MAGI1: variants seen among roughly 807,000 people sequenced by gnomAD.
MAGI1 encodes membrane associated guanylate kinase, WW and PDZ domain containing 1, also known as membrane-associated guanylate kinase, WW and PDZ domain-containing protein 1.
MAGI1 carries 58 observed loss-of-function variants against 139.9 expected under a neutral mutation model. That is an observed-to-expected ratio of 0.41 (90% CI 0.34 to 0.52). The LOEUF (loss-of-function observed/expected upper bound fraction) is 0.52, where lower values mean the gene tolerates loss of function less well. Among genes scored for constraint, MAGI1 ranks in the 20% least tolerant of loss-of-function variants. MAGI1 has a pLI of 0.12. For missense variants in MAGI1, 1,874 were observed against 1,901.6 expected, an observed-to-expected ratio of 0.99 and a Z score of 0.27; for synonymous variants, 812 against 737.9, an observed-to-expected ratio of 1.10 and a Z score of -1.63.
At chr3:65,517,456 C>T (rs1387035023) in intron 2 of MAGI1, among the ~76,000 whole-genome samples, 1 of 152,170 alleles carries the variant, frequency 6.6e-6, no homozygotes, top group African/African-American at 2.4e-5. Context: ...TCCAAATCTA[C>T]CCTTCCAAAC....
chr3:65,882,240 A>C (rs987943558), intron 1 of MAGI1, among the ~76,000 whole-genome samples: 6 of 152,194 alleles, frequency 3.9e-5, no homozygotes, highest in African/African-American at 1.2e-4. Flanking sequence ...AGGCTTCTTC[A>C]GTTAGTAACA....
At chr3:66,000,034 G>T (rs1184835885) in intron 1 of MAGI1, among the ~76,000 whole-genome samples, 1 of 145,936 alleles carries the variant, frequency 6.9e-6, no homozygotes. Context: ...GTGCAGTGGC[G>T]CGAACTAGGC....
chr3:65,552,288 G>GTA (rs1491073868), intron 2 of MAGI1, among the ~76,000 whole-genome samples: 1 of 148,554 alleles, frequency 6.7e-6, no homozygotes, highest in African/African-American at 2.5e-5. Context: ...GTGTGTGTGT[G>GTA]TCCCCATTCC....
chr3:65,730,702 G>C (rs1399095765), intron 1 of MAGI1, among the ~76,000 whole-genome samples: 2 of 152,204 alleles, frequency 1.3e-5, no homozygotes, highest in Non-Finnish European at 2.9e-5. Flanking sequence ...TGCTACTGAG[G>C]AGATAAGGAC....
chr3:66,004,988 G>GT (rs2066937015), intron 1 of MAGI1, among the ~76,000 whole-genome samples: 3 of 152,120 alleles, frequency 2.0e-5, no homozygotes, highest in African/African-American at 7.2e-5. Flanking sequence ...GGTTCCTTCT[G>GT]TATCCCATTG....
At chr3:65,973,433 C>T (rs912931112) in intron 1 of MAGI1, among the ~76,000 whole-genome samples, 1 of 152,130 alleles carries the variant, frequency 6.6e-6, no homozygotes, top group Non-Finnish European at 1.5e-5. Context: ...ACTATTGCAG[C>T]TCCCATGATA....
intron 22 of MAGI1, 45 bp downstream of exon 22, chr3:65,361,154 G>A: frequency 6.2e-7 from 1 of 1,614,042 alleles, no homozygotes; most frequent in South Asian, 1.1e-5. Context: ...CAAATTCATG[G>A]AGTCATGCCA....
chr3:65,573,946 T>C (rs1576361642), intron 2 of MAGI1, among the ~76,000 whole-genome samples: 1 of 152,012 alleles, frequency 6.6e-6, no homozygotes, highest in Non-Finnish European at 1.5e-5. Flanking sequence ...TCAACTACCA[T>C]GGGCAGTTGA....
chr3:65,860,434 A>G (rs2059516918), intron 1 of MAGI1, among the ~76,000 whole-genome samples: 1 of 152,238 alleles, frequency 6.6e-6, no homozygotes, highest in African/African-American at 2.4e-5. Flanking sequence ...TGACAGAGCC[A>G]TCTTTACAGA....
intron 13 of MAGI1, among the ~76,000 whole-genome samples, chr3:65,392,916 T>C (rs2107011053): frequency 6.6e-6 from 1 of 152,306 alleles, no homozygotes; most frequent in South Asian, 2.1e-4. Flanking sequence ...TTGAGGACCA[T>C]ATTCTAACCT....
At chr3:65,966,630 G>A (rs1450110287) in intron 1 of MAGI1, among the ~76,000 whole-genome samples, 4 of 152,000 alleles carry the variant, frequency 2.6e-5, no homozygotes, top group Non-Finnish European at 4.4e-5. Flanking sequence ...GAGAGTGGGG[G>A]CGCGGCCAAA....
intron 14 of MAGI1, among the ~76,000 whole-genome samples, chr3:65,389,525 A>G (rs1243185888): frequency 6.6e-6 from 1 of 152,234 alleles, no homozygotes. Context: ...TGACTGGACG[A>G]GCCACAAGCT....
In MAGI1 at chr3:65,383,633, G is replaced by A; in HGVS notation, c.2417-10C>T. The A allele has an allele frequency of 6.5e-7, 1 of 1,549,496 alleles. No homozygotes were observed. Among genetic ancestry groups the A allele is most frequent in the South Asian group, 1.1e-5 (1 of 89,590 alleles). ...TCCTGGTAATCTGGAACTGCAGAGA[G>A]GGGAGAAAAAAGAGAAGGATTATTT... On this transcript the variant is annotated splice_polypyrimidine_tract_variant and intron_variant, in intron 14 of 22. Coordinates refer to ENST00000402939, the MANE Select transcript of MAGI1 (RefSeq NM_001033057.2).
intron 1 of MAGI1, among the ~76,000 whole-genome samples, chr3:65,952,255 C>T (rs1294167393): frequency 1.3e-5 from 2 of 152,146 alleles, no homozygotes; most frequent in South Asian, 4.1e-4. Context: ...AGATGACCCC[C>T]ATCCTTAGGA....
chr3:65,608,263 G>A (rs1286546968), intron 2 of MAGI1, among the ~76,000 whole-genome samples: 3 of 152,236 alleles, frequency 2.0e-5, no homozygotes, highest in African/African-American at 4.8e-5. Flanking sequence ...CTAACATGGT[G>A]AAACCCAGTC....
At chr3:65,923,350 C>T (rs747683096) in intron 1 of MAGI1, among the ~76,000 whole-genome samples, 2 of 151,716 alleles carry the variant, frequency 1.3e-5, no homozygotes, top group South Asian at 2.1e-4. Flanking sequence ...CTCAGTCTCC[C>T]GAGTAGCTAG....
intron 1 of MAGI1, among the ~76,000 whole-genome samples, chr3:65,931,887 A>G (rs933057390): frequency 2.6e-5 from 4 of 152,180 alleles, no homozygotes; most frequent in African/African-American, 7.2e-5. Flanking sequence ...GGGTAAGTGT[A>G]TACGCCAACT....
At chr3:65,705,522 C>G (rs1232774730) in intron 1 of MAGI1, among the ~76,000 whole-genome samples, 1 of 152,178 alleles carries the variant, frequency 6.6e-6, no homozygotes, top group African/African-American at 2.4e-5. Context: ...GTACAAGGTG[C>G]AAGTCAGTCT....
chr3:65,358,470 A>G (rs894296120), intron 22 of MAGI1, among the ~76,000 whole-genome samples: 1 of 152,200 alleles, frequency 6.6e-6, no homozygotes, highest in Non-Finnish European at 1.5e-5. Flanking sequence ...ACAAAAAGCA[A>G]GTGAAAAGCC....
Sources: allele counts gnomAD v4.1 joint callset (sites outside exome capture counted in the v4.1 genomes callset), GRCh38; gene constraint gnomAD v4.1.1; transcripts MANE v1.5; gene names NCBI Gene and HGNC (gene_info 2026-07-23, HGNC 2026-07-21).